The following MICU1 variants were observed in gnomAD, a reference collection of about 807,000 sequenced individuals.
The protein encoded by MICU1 is mitochondrial calcium uptake 1, also known as calcium uptake protein 1, mitochondrial.
Under a neutral mutation model 56.8 loss-of-function variants are expected in MICU1, and 45 were observed. The ratio of observed to expected loss-of-function variants is 0.79; its 90% confidence interval spans 0.62 to 1.02. The LOEUF (loss-of-function observed/expected upper bound fraction) is 1.02, where lower values mean the gene tolerates loss of function less well. MICU1 is among the 50% of genes least tolerant of loss of function. MICU1 has a pLI of 0.00. For missense variants in MICU1, 504 were observed against 587.1 expected (o/e 0.86, Z 1.46); for synonymous variants, 186 against 195.1 (o/e 0.95, Z 0.39).
At chr10:72,481,398 TTTTTG>T (rs1866290343) in intron 6 of MICU1, among the ~76,000 whole-genome samples, 1 of 151,974 alleles carries the variant, frequency 6.6e-6, no homozygotes, top group South Asian at 2.1e-4. Flanking sequence ...GGAATTTTGG[TTTTTG>T]TTTTGTTTTT....
At chr10:72,405,216 TTTAA>T (rs888876051) in intron 10 of MICU1, among the ~76,000 whole-genome samples, 3 of 151,976 alleles carry the variant, frequency 2.0e-5, no homozygotes, top group South Asian at 2.1e-4. Context: ...GCCTATTTAA[TTTAA>T]TTAATTAATT....
intron 1 of MICU1, among the ~76,000 whole-genome samples, chr10:72,592,907 C>A (rs942004033): frequency 1.3e-5 from 2 of 151,868 alleles, no homozygotes; most frequent in Non-Finnish European, 2.9e-5. Context: ...CTCAGCCTCC[C>A]AAGTACCTGA....
chr10:72,460,659 A>C (rs1865612609), intron 8 of MICU1, among the ~76,000 whole-genome samples: 1 of 152,232 alleles, frequency 6.6e-6, no homozygotes, highest in African/African-American at 2.4e-5. Flanking sequence ...TATGATACAT[A>C]ATTCATTCAC....
At chr10:72,574,575 T>C (rs1589357565) in intron 1 of MICU1, among the ~76,000 whole-genome samples, 2 of 152,062 alleles carry the variant, frequency 1.3e-5, no homozygotes, top group African/African-American at 4.8e-5. Flanking sequence ...ATAATAATGA[T>C]AATAATGATT....
intron 10 of MICU1, among the ~76,000 whole-genome samples, chr10:72,397,960 C>T (rs1863324166): frequency 1.3e-5 from 2 of 152,150 alleles, no homozygotes; most frequent in South Asian, 4.1e-4. Context: ...AACTCTCCAC[C>T]CCAAATCAAC....
intron 11 of MICU1, among the ~76,000 whole-genome samples, chr10:72,372,920 A>G (rs1692037704): frequency 6.6e-6 from 1 of 151,816 alleles, no homozygotes; most frequent in African/African-American, 2.4e-5. Flanking sequence ...CCTCAAAAAA[A>G]AAAAAAAAAG....
chr10:72,583,172 T>C (rs1840950616), intron 1 of MICU1: 1 of 151,528 alleles, frequency 6.6e-6, no homozygotes, highest in Non-Finnish European at 1.5e-5. Context: ...TAACAGGGAT[T>C]CAATTACATT....
chr10:72,569,237 A>ATATATATATATATAT, intron 1 of MICU1, among the ~76,000 whole-genome samples: 3 of 34,378 alleles, frequency 8.7e-5, no homozygotes, highest in African/African-American at 3.4e-4. Flanking sequence ...ATATATATAT[A>ATATATATATATATAT]TTTTTTTTTT....
At chr10:72,414,017 G>A (rs74629534) in intron 9 of MICU1, among the ~76,000 whole-genome samples, 12 of 152,244 alleles carry the variant, frequency 7.9e-5, no homozygotes, top group Middle Eastern at 3.4e-3. Flanking sequence ...TGGAACTCTC[G>A]TATATTCACA....
At chr10:72,539,950 A>C (rs180838355) in intron 4 of MICU1, among the ~76,000 whole-genome samples, 5 of 152,288 alleles carry the variant, frequency 3.3e-5, no homozygotes, top group Admixed American at 3.3e-4. Flanking sequence ...TGGGCTAGCA[A>C]GTCCAGTTCC....
At chr10:72,592,109 A>G (rs570204991) in intron 1 of MICU1, among the ~76,000 whole-genome samples, 5 of 147,444 alleles carry the variant, frequency 3.4e-5, no homozygotes, top group African/African-American at 1.3e-4. Flanking sequence ...TCCCAGGTTC[A>G]AGCGATTCTC....
intron 10 of MICU1, among the ~76,000 whole-genome samples, chr10:72,383,621 C>T (rs1039785214): frequency 2.0e-5 from 3 of 152,152 alleles, no homozygotes; most frequent in Non-Finnish European, 4.4e-5. Flanking sequence ...TTATTCTTAT[C>T]TCAATCTTGA....
intron 7 of MICU1, among the ~76,000 whole-genome samples, chr10:72,476,861 A>T (rs1157133506): frequency 3.9e-5 from 6 of 152,236 alleles, no homozygotes; most frequent in Non-Finnish European, 7.3e-5. Flanking sequence ...AGCACATAGC[A>T]GCTTTTTGGT....
At chr10:72,398,943 T>G (rs1863357903) in intron 10 of MICU1, among the ~76,000 whole-genome samples, 2 of 152,314 alleles carry the variant, frequency 1.3e-5, no homozygotes, top group Middle Eastern at 6.8e-3. Context: ...ACTCATTTTA[T>G]GAGGCCAACA....
intron 1 of MICU1, among the ~76,000 whole-genome samples, chr10:72,587,722 T>G (rs1841103274): frequency 6.6e-6 from 1 of 151,998 alleles, no homozygotes; most frequent in South Asian, 2.1e-4. Flanking sequence ...AGGCGGAGGT[T>G]GCAGTGAGCT....
intron 1 of MICU1, among the ~76,000 whole-genome samples, chr10:72,585,994 A>ATTTTTTTTTTTTTTTTTTTTTTT (rs1276935862): frequency 1.0e-5 from 1 of 100,204 alleles, no homozygotes; most frequent in Non-Finnish European, 2.1e-5. Flanking sequence ...TATTGTTTTT[A>ATTTTTTTTTTTTTTTTTTTTTTT]TTTTTTCTTT....
At chr10:72,500,837 A>G (rs1311792647) in intron 6 of MICU1, among the ~76,000 whole-genome samples, 2 of 152,204 alleles carry the variant, frequency 1.3e-5, no homozygotes, top group Non-Finnish European at 2.9e-5. Context: ...TCAATAAATA[A>G]TATTTAGCAT....
chr10:72,623,342 G>A (rs1223788748), intron 1 of MICU1, among the ~76,000 whole-genome samples: 2 of 143,048 alleles, frequency 1.4e-5, no homozygotes, highest in Admixed American at 7.0e-5. Context: ...GAAAAGGGAA[G>A]GGGAGGGGAG....
intron 8 of MICU1, among the ~76,000 whole-genome samples, chr10:72,466,068 T>G (rs931817009): frequency 3.9e-5 from 6 of 152,194 alleles, no homozygotes; most frequent in Non-Finnish European, 8.8e-5. Flanking sequence ...ACAGCTTCTC[T>G]CTGGCACATC....
Sources: allele counts gnomAD v4.1 joint callset (sites outside exome capture counted in the v4.1 genomes callset), GRCh38; gene constraint gnomAD v4.1.1; transcripts MANE v1.5; gene names NCBI Gene and HGNC (gene_info 2026-07-23, HGNC 2026-07-21).